MDGA2: variants seen among roughly 807,000 people sequenced by gnomAD.
The protein encoded by MDGA2 is MAM domain containing glycosylphosphatidylinositol anchor 2, also known as MAM domain-containing glycosylphosphatidylinositol anchor protein 2.
MDGA2 carries 40 observed loss-of-function variants against 117.8 expected under a neutral mutation model. The ratio of observed to expected loss-of-function variants is 0.34; its 90% confidence interval spans 0.26 to 0.44. The LOEUF (loss-of-function observed/expected upper bound fraction) is 0.44, where lower values mean the gene tolerates loss of function less well. Among genes scored for constraint, MDGA2 ranks in the 20% least tolerant of loss-of-function variants. The pLI is 1.00. For missense variants in MDGA2, 1,123 were observed against 1,250.6 expected (o/e 0.90, Z 1.54); for synonymous variants, 452 against 439.0 (o/e 1.03, Z -0.37).
At chr14:47,183,680 T>G (rs897416844) in intron 3 of MDGA2, among the ~76,000 whole-genome samples, 1 of 152,066 alleles carries the variant, frequency 6.6e-6, no homozygotes, top group Admixed American at 6.6e-5. Context: ...GCGCAAAACA[T>G]ACACACAAAC....
chr14:46,919,381 G>T (rs1884034674), intron 10 of MDGA2, among the ~76,000 whole-genome samples: 1 of 152,120 alleles, frequency 6.6e-6, no homozygotes, highest in Non-Finnish European at 1.5e-5. Context: ...ACAATGTAAA[G>T]ACCTCCACTT....
At chr14:47,109,672 C>G (rs1000630600) in intron 5 of MDGA2, among the ~76,000 whole-genome samples, 4 of 152,176 alleles carry the variant, frequency 2.6e-5, no homozygotes, top group African/African-American at 9.7e-5. Flanking sequence ...AAAGGCCAGG[C>G]ATGATGGCTC....
chr14:47,636,711 G>A (rs1189905989), intron 1 of MDGA2, among the ~76,000 whole-genome samples: 1 of 140,884 alleles, frequency 7.1e-6, no homozygotes, highest in Non-Finnish European at 1.5e-5. Flanking sequence ...CGTGAACCCA[G>A]GAGACGAAGG....
At chr14:47,502,314 G>A (rs1156402729) in intron 1 of MDGA2, among the ~76,000 whole-genome samples, 3 of 152,104 alleles carry the variant, frequency 2.0e-5, no homozygotes, top group Admixed American at 1.3e-4. Flanking sequence ...GACAGAGTGA[G>A]ACCCTCATTT....
intron 8 of MDGA2, among the ~76,000 whole-genome samples, chr14:46,990,866 CCACACACACACACA>C (rs201132208): frequency 7.1e-6 from 1 of 140,804 alleles, no homozygotes; most frequent in Non-Finnish European, 1.6e-5. Context: ...ACACACACAC[CCACACACACACACA>C]CACACACACA....
intron 2 of MDGA2, among the ~76,000 whole-genome samples, chr14:47,286,255 T>C (rs2139755588): frequency 6.6e-6 from 1 of 152,204 alleles, no homozygotes; most frequent in East Asian, 1.9e-4. Flanking sequence ...GTTTGAATTG[T>C]TTTGAAATGT....
At chr14:46,854,507 T>G (rs565334764) in intron 15 of MDGA2, among the ~76,000 whole-genome samples, 64 of 151,868 alleles carry the variant, frequency 4.2e-4, no homozygotes, top group African/African-American at 1.5e-3. Context: ...TAGCTAACTC[T>G]CTAAGCTTTA....
At chr14:47,635,333 T>C (rs994141727) in intron 1 of MDGA2, among the ~76,000 whole-genome samples, 1 of 152,160 alleles carries the variant, frequency 6.6e-6, no homozygotes, top group African/African-American at 2.4e-5. Context: ...GCCTACATTA[T>C]GATTTAGACA....
intron 1 of MDGA2, among the ~76,000 whole-genome samples, chr14:47,395,305 G>A (rs1453642551): frequency 6.6e-6 from 1 of 152,058 alleles, no homozygotes; most frequent in Admixed American, 6.6e-5. Context: ...GTTTATACCA[G>A]TTTTGAAAAT....
intron 2 of MDGA2, among the ~76,000 whole-genome samples, chr14:47,232,810 G>C (rs1886736057): frequency 6.6e-6 from 1 of 152,146 alleles, no homozygotes; most frequent in Admixed American, 6.6e-5. Context: ...GTAAACCCAT[G>C]AGTTTAAATG....
chr14:47,236,268 GTGAC>G (rs1175167534), intron 2 of MDGA2, among the ~76,000 whole-genome samples: 1 of 142,940 alleles, frequency 7.0e-6, no homozygotes, highest in Non-Finnish European at 1.5e-5. Flanking sequence ...ACCAGCCTGG[GTGAC>G]AGAGCGAGAC....
chr14:47,500,648 A>C (rs1396158020), intron 1 of MDGA2, among the ~76,000 whole-genome samples: 1 of 152,046 alleles, frequency 6.6e-6, no homozygotes, highest in East Asian at 1.9e-4. Flanking sequence ...CAATGGGTCC[A>C]GAATGCAACA....
intron 8 of MDGA2, among the ~76,000 whole-genome samples, chr14:46,957,998 G>T (rs1383821403): frequency 2.0e-5 from 3 of 151,958 alleles, no homozygotes; most frequent in Non-Finnish European, 2.9e-5. Context: ...TCTAAAAGTG[G>T]TAAGAATTCT....
intron 1 of MDGA2, among the ~76,000 whole-genome samples, chr14:47,664,853 G>GC (rs1250261406): frequency 2.0e-5 from 3 of 152,106 alleles, no homozygotes; most frequent in South Asian, 4.1e-4. Flanking sequence ...AAAAGGAGTT[G>GC]CCCCCCACAG....
chr14:47,326,802 AATTGCT>A (rs1890157754), intron 1 of MDGA2, among the ~76,000 whole-genome samples: 1 of 152,102 alleles, frequency 6.6e-6, no homozygotes, highest in South Asian at 2.1e-4. Flanking sequence ...CGGAGACATT[AATTGCT>A]ATTGATCCCT....
rs192501651 is a variant in MDGA2, at chr14:47,528,314, G to A, written c.280+146203C>T. Among the ~76,000 whole-genome samples the A allele has an allele frequency of 1.8e-4, 27 of 152,312 alleles. No individual in the cohort carries two copies. In the East Asian group the frequency reaches 4.4e-3, roughly 25 times the overall value. ...CGTAGGCAGAGCATGATGTTAGCAT[G>A]CAGAATAAAGCAGTACAAAACAAAC... On this transcript the variant is annotated intron_variant, in intron 1 of 16. Transcript: ENST00000399232.
At chr14:47,471,920 G>C (rs1173311046) in intron 1 of MDGA2, among the ~76,000 whole-genome samples, 1 of 152,000 alleles carries the variant, frequency 6.6e-6, no homozygotes, top group Non-Finnish European at 1.5e-5. Flanking sequence ...TGTACAAATA[G>C]AATGTTTATG....
chr14:47,164,566 C>T (rs923578248), intron 3 of MDGA2, among the ~76,000 whole-genome samples: 2 of 152,148 alleles, frequency 1.3e-5, no homozygotes, highest in Admixed American at 1.3e-4. Flanking sequence ...CATCTCACAC[C>T]AGTTAGAATG....
chr14:47,170,806 C>G (rs995289278), intron 3 of MDGA2, among the ~76,000 whole-genome samples: 1 of 152,014 alleles, frequency 6.6e-6, no homozygotes, highest in Non-Finnish European at 1.5e-5. Flanking sequence ...ATTTCAAAAC[C>G]AATTTTGATT....
Sources: gnomAD v4.1 joint callset for allele counts (sites outside exome capture counted in the v4.1 genomes callset) on GRCh38, gnomAD v4.1.1 for gene constraint, MANE v1.5 for transcripts, NCBI Gene and HGNC (gene_info 2026-07-23, HGNC 2026-07-21) for gene names.